The following STK40 variants were observed in gnomAD, a reference collection of about 807,000 sequenced individuals.
STK40 encodes the protein serine/threonine kinase 40.
STK40 carries 13 observed loss-of-function variants against 47.9 expected under a neutral mutation model. That is an observed-to-expected ratio of 0.27 (90% CI 0.18 to 0.43). The LOEUF is 0.43. Among genes scored for constraint, STK40 ranks in the 20% least tolerant of loss-of-function variants. The pLI, the probability that STK40 is intolerant of heterozygous loss-of-function variation, is 1.00. For synonymous variants in STK40, 225 were observed against 243.2 expected (o/e 0.93, Z 0.69); for missense variants, 460 against 595.1 (o/e 0.77, Z 2.36).
chr1:36,364,458 G>A (rs753818406), intron 1 of STK40, among the ~76,000 whole-genome samples: 4 of 152,110 alleles, frequency 2.6e-5, no homozygotes, highest in South Asian at 2.1e-4. Flanking sequence ...TTTAAAATCC[G>A]TAATTCTTTC....
chr1:36,382,037 G>C (rs140142002), intron 1 of STK40, among the ~76,000 whole-genome samples: 17 of 152,296 alleles, frequency 1.1e-4, no homozygotes, highest in Non-Finnish European at 1.0e-4. Flanking sequence ...GGGAGCTCAT[G>C]TATGTGGAAT....
intron 4 of STK40, 99 bp downstream of exon 4, chr1:36,358,139 AG>A: frequency 7.1e-7 from 1 of 1,402,142 alleles, no homozygotes; most frequent in Non-Finnish European, 9.4e-7. Context: ...GGGACACCCA[AG>A]GGTCACGTGA....
intron 1 of STK40, among the ~76,000 whole-genome samples, chr1:36,383,551 C>T (rs563354878): frequency 3.0e-4 from 46 of 152,338 alleles, no homozygotes; most frequent in African/African-American, 1.0e-3. Flanking sequence ...GGTTTGTCTC[C>T]GAAGAGTTCT....
chr1:36,365,293 T>C (rs1390494094), intron 1 of STK40, among the ~76,000 whole-genome samples: 2 of 152,194 alleles, frequency 1.3e-5, no homozygotes, highest in Admixed American at 6.5e-5. Context: ...CCGGCCTGTT[T>C]TGGCCCTTAT....
chr1:36,348,909 A>G, intron 6 of STK40, 94 bp from the exon 7 acceptor site: 1 of 1,042,794 alleles, frequency 9.6e-7, no homozygotes, highest in Non-Finnish European at 1.4e-6. Flanking sequence ...CCAACACCCA[A>G]TCCTGAACAG....
intron 1 of STK40, among the ~76,000 whole-genome samples, chr1:36,375,181 C>T (rs1002141830): frequency 7.9e-5 from 12 of 152,160 alleles, no homozygotes; most frequent in African/African-American, 2.7e-4. Flanking sequence ...GGGCCCAGTA[C>T]ATAGGAGGCA....
At chr1:36,347,247 T>C (rs996971916) in intron 7 of STK40, among the ~76,000 whole-genome samples, 3 of 152,076 alleles carry the variant, frequency 2.0e-5, no homozygotes, top group Non-Finnish European at 2.9e-5. Flanking sequence ...GGCGCACTCA[T>C]GTGTGGGGTG....
At chr1:36,382,989 C>T (rs1194647457) in intron 1 of STK40, among the ~76,000 whole-genome samples, 2 of 152,160 alleles carry the variant, frequency 1.3e-5, no homozygotes, top group Admixed American at 1.3e-4. Context: ...GCTCTTGTTG[C>T]CCAGGCTGGA....
intron 6 of STK40, 38 bp downstream of exon 6, chr1:36,354,326 C>A: frequency 6.2e-7 from 1 of 1,612,160 alleles, no homozygotes; most frequent in Admixed American, 1.7e-5. Context: ...TGCCCCAGCC[C>A]CGGGGTAACT....
At chr1:36,344,959 A>G (rs149114570) in intron 7 of STK40, among the ~76,000 whole-genome samples, 1 of 152,358 alleles carries the variant, frequency 6.6e-6, no homozygotes, top group East Asian at 1.9e-4. Flanking sequence ...GCTTGAGGAC[A>G]CTGAGGCCCA....
intron 1 of STK40, among the ~76,000 whole-genome samples, chr1:36,371,814 G>A (rs1646950725): frequency 6.6e-6 from 1 of 151,478 alleles, no homozygotes; most frequent in South Asian, 2.1e-4. Flanking sequence ...TGGCCAACAT[G>A]GTGAAACCCC....
rs1035183104 is a variant in STK40, at chr1:36,361,334, C to T, written c.-2G>A. 1 of 1,614,070 alleles carries T rather than the reference C, an allele frequency of 6.2e-7. No homozygotes were observed. The highest frequency in any genetic ancestry group is 1.3e-5 in the African/African-American group (1 of 74,944). Reference sequence around the variant, plus strand: ...TCTGTCTGATGCTCTCCGCTTCATTCTCAGCTCTAGACAAGACAGAAAGAC... The same window carrying T: ...TCTGTCTGATGCTCTCCGCTTCATTTTCAGCTCTAGACAAGACAGAAAGAC... On this transcript the variant is annotated 5_prime_UTR_variant, in exon 2 of 11. Coordinates refer to ENST00000373132, the MANE Select transcript of STK40 (RefSeq NM_001282547.2).
At chr1:36,342,669 CA>C (rs1646659995) in intron 10 of STK40, 1 of 159,376 alleles carries the variant, frequency 6.3e-6, no homozygotes, top group Non-Finnish European at 1.4e-5. Context: ...TGATTTTAGC[CA>C]AACAGCTAAA....
At chr1:36,365,123 T>C (rs984653585) in intron 1 of STK40, among the ~76,000 whole-genome samples, 1 of 152,076 alleles carries the variant, frequency 6.6e-6, no homozygotes, top group African/African-American at 2.4e-5. Context: ...CCCAAGTAGC[T>C]GGGATTACAG....
chr1:36,365,379 T>C (rs1646892913), intron 1 of STK40, among the ~76,000 whole-genome samples: 1 of 152,242 alleles, frequency 6.6e-6, no homozygotes, highest in Non-Finnish European at 1.5e-5. Flanking sequence ...GCAGGTCTAA[T>C]CTACCAGGCT....
chr1:36,377,766 G>C (rs1176786128), intron 1 of STK40, among the ~76,000 whole-genome samples: 1 of 152,176 alleles, frequency 6.6e-6, no homozygotes, highest in Non-Finnish European at 1.5e-5. Context: ...GGAACTTCCT[G>C]CCTGCCCCCT....
chr1:36,370,054 G>C (rs1368393417), intron 1 of STK40, among the ~76,000 whole-genome samples: 2 of 152,234 alleles, frequency 1.3e-5, no homozygotes, highest in Admixed American at 1.3e-4. Flanking sequence ...CACAGCTGTA[G>C]GTAACTGGGG....
chr1:36,371,642 G>A (rs958172684), intron 1 of STK40, among the ~76,000 whole-genome samples: 3 of 133,036 alleles, frequency 2.3e-5, no homozygotes, highest in African/African-American at 8.7e-5. Flanking sequence ...ATGTGATCCT[G>A]CCACTGTACT....
intron 1 of STK40, among the ~76,000 whole-genome samples, chr1:36,365,087 G>A (rs1032506730): frequency 4.0e-5 from 6 of 151,622 alleles, no homozygotes; most frequent in African/African-American, 1.5e-4. Context: ...CGCCTCCCAG[G>A]TTCAAGTGAT....
Sources: gnomAD v4.1 joint callset for allele counts (sites outside exome capture counted in the v4.1 genomes callset) on GRCh38, gnomAD v4.1.1 for gene constraint, MANE v1.5 for transcripts, NCBI Gene and HGNC (gene_info 2026-07-23, HGNC 2026-07-21) for gene names.